SCIMP: variants seen among roughly 807,000 people sequenced by gnomAD.
SCIMP encodes the protein SLP adaptor and CSK interacting membrane protein, also known as SLP adapter and CSK-interacting membrane protein.
In SCIMP, 18 loss-of-function variants were observed where a neutral mutation model predicts 22.0. The ratio of observed to expected loss-of-function variants is 0.82; its 90% CI spans 0.56 to 1.21. The LOEUF (loss-of-function observed/expected upper bound fraction) is 1.21. SCIMP is among the 50% of genes most tolerant of loss of function. SCIMP has a pLI of 0.00. For missense variants in SCIMP, 155 were observed against 171.2 expected (o/e 0.91, Z 0.53); for synonymous variants, 53 against 62.2 (o/e 0.85, Z 0.70).
At chr17:5,218,913 C>T (rs1395196321) in intron 3 of SCIMP, among the ~76,000 whole-genome samples, 1 of 152,200 alleles carries the variant, frequency 6.6e-6, no homozygotes, top group African/African-American at 2.4e-5. Context: ...GCCACTGCAC[C>T]TCGCCCCAAG....
At chr17:5,223,805 C>G (rs901933431) in intron 1 of SCIMP, among the ~76,000 whole-genome samples, 1 of 152,172 alleles carries the variant, frequency 6.6e-6, no homozygotes, top group Admixed American at 6.6e-5. Context: ...CTGTCTTGGC[C>G]TCCCAAAGTA....
intron 1 of SCIMP, 112 bp downstream of exon 1, chr17:5,234,623 C>T: frequency 5.3e-6 from 6 of 1,141,538 alleles, no homozygotes; most frequent in Non-Finnish European, 7.8e-6. Flanking sequence ...GCTGCAATCC[C>T]CTGGCCCAGT....
chr17:5,211,481 G>A (rs1378845255), intron 4 of SCIMP, among the ~76,000 whole-genome samples: 2 of 150,432 alleles, frequency 1.3e-5, no homozygotes, highest in Admixed American at 6.7e-5. Flanking sequence ...CCATGATCAC[G>A]CCACTGCACT....
intron 3 of SCIMP, among the ~76,000 whole-genome samples, chr17:5,217,861 T>C (rs2074577145): frequency 6.6e-6 from 1 of 152,086 alleles, no homozygotes; most frequent in Non-Finnish European, 1.5e-5. Flanking sequence ...TGAATAGTGC[T>C]GCTATAAACA....
intron 2 of SCIMP, among the ~76,000 whole-genome samples, chr17:5,222,912 A>T (rs2585273): frequency 1.3e-5 from 2 of 151,580 alleles, no homozygotes; most frequent in Admixed American, 6.6e-5. Context: ...GGATCCCACC[A>T]CCTGGGCTTC....
chr17:5,216,679 C>CA (rs1439763351), intron 3 of SCIMP, among the ~76,000 whole-genome samples: 1 of 151,662 alleles, frequency 6.6e-6, no homozygotes, highest in Admixed American at 6.6e-5. Context: ...AACAAAAAAA[C>CA]AAAAAACAAA....
At chr17:5,211,909 G>C (rs537213533) in intron 4 of SCIMP, among the ~76,000 whole-genome samples, 1 of 152,072 alleles carries the variant, frequency 6.6e-6, no homozygotes, top group South Asian at 2.1e-4. Context: ...TTAGCTGGGC[G>C]TGATGGCGGG....
chr17:5,223,724 A>G, intron 1 of SCIMP: 1 of 383,340 alleles, frequency 2.6e-6, no homozygotes, highest in East Asian at 6.1e-5. Context: ...TAATTTTTGT[A>G]TTTTTAGTAG....
chr17:5,229,316 CCAGGGTGT>C (rs1457739430), intron 1 of SCIMP, among the ~76,000 whole-genome samples: 1 of 150,880 alleles, frequency 6.6e-6, no homozygotes, highest in Non-Finnish European at 1.5e-5. Flanking sequence ...AAGGGCATTT[CCAGGGTGT>C]CAGGGACAGA....
intron 4 of SCIMP, chr17:5,214,255 A>G (rs567546404): frequency 1.3e-5 from 2 of 152,430 alleles, no homozygotes; most frequent in Non-Finnish European, 2.9e-5. Flanking sequence ...AGCCTGAGCT[A>G]TCTAAGACAC....
In SCIMP at chr17:5,210,900, A is replaced by G. The variant is rs367619956; in HGVS notation, c.339T>C (p.Val113=). ...GGATGGAAACAGTCTTCTTATTTTT[A>G]ACTTTATTTACCAGTGAGTATGTAG... is the stretch of plus-strand genomic sequence containing the variant. ...PPATYSLVNK[V]KNKKTVSIPS... Residue 113 remains valine, a synonymous_variant, in exon 5 of 5, where the codon GTT becomes GTC. Coordinates refer to ENST00000574081, the MANE Select transcript of SCIMP (RefSeq NM_207103.3). 1.2e-6 allele frequency: 2 copies of G among 1,614,010 alleles called. No homozygotes were observed. The highest frequency in any genetic ancestry group is 1.7e-6 in the Non-Finnish European group (2 of 1,180,018).
Position 5,234,851 on chromosome 17 carries a change from T to A in SCIMP, c.-96A>T. 4.5e-6 allele frequency: 7 copies of A among 1,553,134 alleles called. No homozygotes were observed. The highest frequency in any genetic ancestry group is 6.1e-6 in the Non-Finnish European group (7 of 1,149,258). ...TCACTCACAGGCCTTCACCCACTGC[T>A]AGAGACAGTGAGCCCCATCCTGACC... On this transcript the variant is annotated 5_prime_UTR_variant, in exon 1 of 5. Transcript: ENST00000574081.
At chr17:5,223,544 T>G in intron 1 of SCIMP, 88 bp from the exon 2 acceptor site, 2 of 1,231,840 alleles carry the variant, frequency 1.6e-6, no homozygotes. Flanking sequence ...CTGTGGGTTG[T>G]TTTTTTTTTC....
chr17:5,227,572 C>T (rs537569088), intron 1 of SCIMP, among the ~76,000 whole-genome samples: 1 of 152,130 alleles, frequency 6.6e-6, no homozygotes, highest in Non-Finnish European at 1.5e-5. Flanking sequence ...CTGAATAGAA[C>T]CAGAGAGAAG....
rs1567843464 is a variant in SCIMP, at chr17:5,227,930, T to C, written c.22-4474A>G. Among the ~76,000 whole-genome samples, 4 of 152,124 alleles carry C rather than the reference T, an allele frequency of 2.6e-5. No homozygotes were observed. In the South Asian group the frequency reaches 8.3e-4, roughly 31 times the overall value. On this transcript the variant is annotated intron_variant, in intron 1 of 4. Coordinates refer to ENST00000574081, the MANE Select transcript of SCIMP (RefSeq NM_207103.3). ...TGGCTCATGCCTGTAATCCCAGCACTTTGGGAGGCCGAGGCAGGCAGATCA... is the reference window on the plus strand; with the variant it reads ...TGGCTCATGCCTGTAATCCCAGCACCTTGGGAGGCCGAGGCAGGCAGATCA...
In SCIMP at chr17:5,223,358, A is replaced by G; in HGVS notation, c.120T>C (p.Cys40=). The G allele has an allele frequency of 1.2e-6, 2 of 1,613,880 alleles. No individual in the cohort carries two copies. The highest frequency in any genetic ancestry group is 2.2e-5 in the South Asian group (2 of 91,058). ...CTCGTCTAAGCTGCCACTTACAGAC[A>G]CAGTACAGGATGAGGCCCAGACCCA... ...VSVGLGLILY[C]VCKWQLRRGK... The change falls in exon 2 of 5, where the codon TGT becomes TGC. Residue 40 remains cysteine (C), a synonymous_variant. Transcript: ENST00000574081.
chr17:5,232,446 T>TGCAGTATAAACAG (rs1567845231), intron 1 of SCIMP, among the ~76,000 whole-genome samples: 1 of 151,632 alleles, frequency 6.6e-6, no homozygotes, highest in African/African-American at 2.4e-5. Context: ...GTGTAAACAG[T>TGCAGTATAAACAG]TTTACCCACA....
chr17:5,229,349 T>G (rs1010546266), intron 1 of SCIMP, among the ~76,000 whole-genome samples: 1 of 151,030 alleles, frequency 6.6e-6, no homozygotes, highest in Non-Finnish European at 1.5e-5. Context: ...ACATTTTCCT[T>G]CACCAGGAAT....
intron 3 of SCIMP, among the ~76,000 whole-genome samples, chr17:5,216,796 A>G (rs1019399764): frequency 6.6e-6 from 1 of 152,166 alleles, no homozygotes. Context: ...GTAACGTCCT[A>G]TTTCTTGATC....
Sources: gnomAD v4.1 joint callset for allele counts (sites outside exome capture counted in the v4.1 genomes callset) on GRCh38, gnomAD v4.1.1 for gene constraint, MANE v1.5 for transcripts, NCBI Gene and HGNC (gene_info 2026-07-23, HGNC 2026-07-21) for gene names.